AUTS2: variants seen among roughly 807,000 people sequenced by gnomAD.
AUTS2 encodes the protein autism susceptibility gene 2 protein.
A neutral mutation model predicts 112.4 loss-of-function variants in AUTS2; 17 were observed. The observed-to-expected ratio is 0.15, with a 90% CI of 0.10 to 0.23. The LOEUF (loss-of-function observed/expected upper bound fraction) is 0.23. Ranked by LOEUF, AUTS2 falls within the 10% of genes least tolerant of loss-of-function variation. AUTS2 has a pLI of 1.00. For missense variants in AUTS2, 1,510 were observed against 1,701.6 expected (o/e 0.89, Z 1.98); for synonymous variants, 751 against 702.7 (o/e 1.07, Z -1.09).
intron 4 of AUTS2, among the ~76,000 whole-genome samples, chr7:70,183,437 G>A (rs1441917358): frequency 6.6e-6 from 1 of 152,162 alleles, no homozygotes; most frequent in Non-Finnish European, 1.5e-5. Context: ...GTTAATTATT[G>A]CATTTCTTAT....
chr7:70,655,870 A>G (rs1806746149), intron 5 of AUTS2, among the ~76,000 whole-genome samples: 1 of 152,142 alleles, frequency 6.6e-6, no homozygotes, highest in Non-Finnish European at 1.5e-5. Flanking sequence ...AGGAATCCCA[A>G]GCCTTGCCAA....
chr7:70,673,188 C>G (rs1022080607), intron 5 of AUTS2, among the ~76,000 whole-genome samples: 3 of 152,128 alleles, frequency 2.0e-5, no homozygotes, highest in African/African-American at 7.2e-5. Flanking sequence ...CATATGCCCC[C>G]CAGGGACAAT....
At chr7:70,675,096 T>TC (rs35791080) in intron 5 of AUTS2, among the ~76,000 whole-genome samples, 131 of 151,262 alleles carry the variant, frequency 8.7e-4, no homozygotes, top group South Asian at 4.2e-3. Context: ...AAATTAATCC[T>TC]CCCCCCCCTC....
intron 2 of AUTS2, among the ~76,000 whole-genome samples, chr7:70,031,965 G>A (rs183167595): frequency 3.1e-4 from 47 of 152,060 alleles, no homozygotes; most frequent in African/African-American, 1.0e-3. Flanking sequence ...TGCTACTTTT[G>A]GTATATTTCT....
Position 70,678,346 on chromosome 7 carries a change from A to G in AUTS2, c.691-20223A>G, listed in dbSNP as rs544943572. On this transcript the variant is annotated intron_variant, in intron 5 of 18. Transcript: ENST00000342771. ...AATACACAAACTGTTGGATTTAAGGAAAGATTTTGATGACATGAAGAGGCT... is the reference window on the plus strand; with the variant it reads ...AATACACAAACTGTTGGATTTAAGGGAAGATTTTGATGACATGAAGAGGCT... Among the ~76,000 whole-genome samples the G allele has an allele frequency of 8.6e-4, 131 of 152,302 alleles. 1 individual carries two copies. Among genetic ancestry groups the G allele is most frequent in the African/African-American group, 3.0e-3 (124 of 41,572 alleles).
chr7:69,831,790 C>G (rs964263471), intron 1 of AUTS2, among the ~76,000 whole-genome samples: 1 of 151,962 alleles, frequency 6.6e-6, no homozygotes, highest in Non-Finnish European at 1.5e-5. Flanking sequence ...CCAATTGCAC[C>G]CTAATTCTTC....
chr7:70,529,143 G>A (rs1159268137), intron 5 of AUTS2, among the ~76,000 whole-genome samples: 1 of 152,080 alleles, frequency 6.6e-6, no homozygotes, highest in African/African-American at 2.4e-5. Flanking sequence ...ACCCTTAAAT[G>A]GAAAAGCCTA....
At chr7:70,404,869 C>T (rs959896248) in intron 4 of AUTS2, among the ~76,000 whole-genome samples, 4 of 152,144 alleles carry the variant, frequency 2.6e-5, no homozygotes, top group South Asian at 2.1e-4. Context: ...CTAACTACTG[C>T]GTCTACCCAG....
chr7:70,122,832 A>T (rs1805754249), intron 3 of AUTS2, among the ~76,000 whole-genome samples: 1 of 147,482 alleles, frequency 6.8e-6, no homozygotes, highest in Non-Finnish European at 1.5e-5. Flanking sequence ...TGTGTCAAGC[A>T]CTATGGCAAT....
rs942541452 is a variant in AUTS2, at chr7:69,796,433, G to C, written c.310-102853G>C. ...AGCTACTTGGAAGGCTGAGGTGGGA[G>C]GCTCATTTGAGCTCAGGAGTTCGAG... On this transcript the variant is annotated intron_variant, in intron 1 of 18. Coordinates refer to ENST00000342771, the MANE Select transcript of AUTS2 (RefSeq NM_015570.4). 3.2e-4 allele frequency among the ~76,000 whole-genome samples: 48 copies of C among 152,034 alleles called. 1 individual carries two copies. Among genetic ancestry groups the C allele is most frequent in the Non-Finnish European group, 4.4e-5 (3 of 68,012 alleles).
intron 2 of AUTS2, among the ~76,000 whole-genome samples, chr7:70,106,308 T>C (rs995218345): frequency 2.0e-5 from 3 of 152,194 alleles, no homozygotes; most frequent in Non-Finnish European, 2.9e-5. Context: ...TGGTGCTCCA[T>C]TGACCCTTTA....
chr7:69,677,643 C>A (rs991333545), intron 1 of AUTS2, among the ~76,000 whole-genome samples: 1 of 152,120 alleles, frequency 6.6e-6, no homozygotes, highest in African/African-American at 2.4e-5. Flanking sequence ...TTGAAGTCAC[C>A]AGTTTTTATT....
At chr7:70,270,024 G>A (rs1338968613) in intron 4 of AUTS2, among the ~76,000 whole-genome samples, 1 of 152,096 alleles carries the variant, frequency 6.6e-6, no homozygotes, top group Non-Finnish European at 1.5e-5. Context: ...AGGTGACAGA[G>A]CGGGACCTTG....
intron 1 of AUTS2, among the ~76,000 whole-genome samples, chr7:69,613,463 G>A (rs1027369807): frequency 3.3e-5 from 5 of 151,978 alleles, no homozygotes; most frequent in Non-Finnish European, 5.9e-5. Context: ...ACCTTTTCCC[G>A]GGTTATACTA....
At chr7:69,659,549 C>A (rs1160158503) in intron 1 of AUTS2, among the ~76,000 whole-genome samples, 1 of 130,654 alleles carries the variant, frequency 7.7e-6, no homozygotes, top group African/African-American at 2.8e-5. Context: ...GGATAATATT[C>A]CTATTTTATG....
At chr7:69,978,087 G>A (rs922654551) in intron 2 of AUTS2, among the ~76,000 whole-genome samples, 1 of 152,144 alleles carries the variant, frequency 6.6e-6, no homozygotes, top group Non-Finnish European at 1.5e-5. Flanking sequence ...TTTGCATGGT[G>A]CAAGGCCTGA....
intron 5 of AUTS2, among the ~76,000 whole-genome samples, chr7:70,450,150 C>T (rs570679306): frequency 6.6e-6 from 1 of 152,164 alleles, no homozygotes; most frequent in Non-Finnish European, 1.5e-5. Flanking sequence ...TTTCATTCAA[C>T]AAATTTAATC....
In AUTS2 at chr7:69,939,061, A is replaced by G. The variant is rs563837963; in HGVS notation, c.522+39563A>G. Among the ~76,000 whole-genome samples the G allele has an allele frequency of 2.2e-4, 34 of 152,344 alleles. No individual in the cohort carries two copies. The South Asian group carries it at 3.5e-3, about 16-fold the overall frequency. The stretch of plus-strand genomic sequence containing the variant: ...ATTTCATAATGATATCTTAGACCAT[A>G]TTTGCACAGCAAGTGAAACTTAAAT... On this transcript the variant is annotated intron_variant, in intron 2 of 18. Coordinates refer to ENST00000342771, the MANE Select transcript of AUTS2 (RefSeq NM_015570.4).
intron 2 of AUTS2, among the ~76,000 whole-genome samples, chr7:70,053,544 G>T (rs796921145): frequency 9.0e-4 from 115 of 127,832 alleles, no homozygotes; most frequent in Middle Eastern, 4.2e-3. Flanking sequence ...GTTTTGGGTG[G>T]TTTTTTTTTT....
Sources: gnomAD v4.1 joint callset for allele counts (sites outside exome capture counted in the v4.1 genomes callset) on GRCh38, gnomAD v4.1.1 for gene constraint, MANE v1.5 for transcripts, NCBI Gene and HGNC (gene_info 2026-07-23, HGNC 2026-07-21) for gene names.